Variants in ATP8A2 observed in about 807,000 individuals in gnomAD.
ATP8A2 encodes the protein ATPase phospholipid transporting 8A2.
In ATP8A2, 100 loss-of-function variants were observed where a neutral mutation model predicts 165.6. The ratio of observed to expected loss-of-function variants is 0.60; its 90% CI spans 0.51 to 0.71. ATP8A2 has a LOEUF of 0.71. Ranked by LOEUF, ATP8A2 falls within the 30% of genes least tolerant of loss-of-function variation. The pLI, the probability that ATP8A2 is intolerant of heterozygous loss-of-function variation, is 0.00. For synonymous variants in ATP8A2, 543 were observed against 548.8 expected, an observed-to-expected ratio of 0.99 and a Z score of 0.15; for missense variants, 1,227 against 1,479.5, an observed-to-expected ratio of 0.83 and a Z score of 2.80.
intron 1 of ATP8A2, among the ~76,000 whole-genome samples, chr13:25,396,587 A>G (rs1214268100): frequency 6.6e-6 from 1 of 152,058 alleles, no homozygotes; most frequent in Non-Finnish European, 1.5e-5. Flanking sequence ...AACATGGCCT[A>G]ATTTGCCCTT....
chr13:26,017,184 C>T (rs1956996757), intron 36 of ATP8A2, among the ~76,000 whole-genome samples: 2 of 152,068 alleles, frequency 1.3e-5, no homozygotes, highest in Non-Finnish European at 2.9e-5. Flanking sequence ...TTACTCAGAA[C>T]CACTTCTGTA....
At chr13:25,662,529 A>G (rs1341899884) in intron 24 of ATP8A2, among the ~76,000 whole-genome samples, 2 of 151,890 alleles carry the variant, frequency 1.3e-5, no homozygotes, top group African/African-American at 4.8e-5. Flanking sequence ...TTTTTGGATT[A>G]TTTGGTATAA....
intron 33 of ATP8A2, among the ~76,000 whole-genome samples, chr13:25,951,778 A>G (rs1350218001): frequency 6.6e-6 from 1 of 152,200 alleles, no homozygotes; most frequent in East Asian, 1.9e-4. Context: ...TTCATTGATA[A>G]AACTCCCTTG....
chr13:25,511,380 TG>T (rs1025606520), intron 2 of ATP8A2, among the ~76,000 whole-genome samples: 1 of 152,226 alleles, frequency 6.6e-6, no homozygotes, highest in Non-Finnish European at 1.5e-5. Context: ...CCAGATAAAC[TG>T]GCTGCCCTGT....
In ATP8A2 at chr13:25,715,153, A is replaced by G. The variant is rs534979856; in HGVS notation, c.2384+15808A>G. 3.9e-5 allele frequency among the ~76,000 whole-genome samples: 6 copies of G among 152,290 alleles called. No homozygotes were observed. In the East Asian group the frequency reaches 9.7e-4, roughly 25 times the overall value. On this transcript the variant is annotated intron_variant, in intron 25 of 36. Transcript: ENST00000381655. ...TTAGGTTAGTGTCTATTGAGCAACT[A>G]CTATGTGTATGTGTTGTGTTGGGAG...
intron 24 of ATP8A2, among the ~76,000 whole-genome samples, chr13:25,607,761 CA>C (rs1368049432): frequency 6.6e-6 from 1 of 152,182 alleles, no homozygotes; most frequent in Non-Finnish European, 1.5e-5. Flanking sequence ...TGAGAAGATG[CA>C]GAGTTGTAAA....
chr13:25,587,382 A>G (rs2039952638), intron 23 of ATP8A2, among the ~76,000 whole-genome samples: 1 of 152,198 alleles, frequency 6.6e-6, no homozygotes. Context: ...AGTTTTGTAT[A>G]TTTAAATTCA....
At chr13:25,428,487 A>G (rs868251391) in intron 1 of ATP8A2, among the ~76,000 whole-genome samples, 1 of 152,292 alleles carries the variant, frequency 6.6e-6, no homozygotes, top group Middle Eastern at 3.4e-3. Context: ...TGAACACATG[A>G]ATGGCACTTA....
chr13:25,916,458 G>C (rs934223534), intron 33 of ATP8A2, among the ~76,000 whole-genome samples: 1 of 152,228 alleles, frequency 6.6e-6, no homozygotes, highest in African/African-American at 2.4e-5. Context: ...TCAGCTGCGT[G>C]CATTTTCACA....
At chr13:25,749,817 T>G (rs1282270977) in intron 25 of ATP8A2, among the ~76,000 whole-genome samples, 1 of 152,230 alleles carries the variant, frequency 6.6e-6, no homozygotes, top group Non-Finnish European at 1.5e-5. Flanking sequence ...TGATGATAAC[T>G]GTCACATTGT....
chr13:25,892,002 T>TG (rs1176810050), intron 33 of ATP8A2, among the ~76,000 whole-genome samples: 1 of 151,850 alleles, frequency 6.6e-6, no homozygotes, highest in Non-Finnish European at 1.5e-5. Flanking sequence ...TTTTTTTTTT[T>TG]TGGAGATGGA....
intron 24 of ATP8A2, among the ~76,000 whole-genome samples, chr13:25,628,158 C>T (rs2041150439): frequency 6.6e-6 from 1 of 152,194 alleles, no homozygotes; most frequent in South Asian, 2.1e-4. Context: ...CACCCTCCCT[C>T]TTGCTGACTT....
At chr13:25,881,095 G>T in intron 33 of ATP8A2, 2 of 277,480 alleles carry the variant, frequency 7.2e-6, no homozygotes, top group Non-Finnish European at 7.3e-6. Flanking sequence ...CCTTGACACT[G>T]GTTTTCAAAT....
intron 33 of ATP8A2, among the ~76,000 whole-genome samples, chr13:25,902,146 T>C (rs867765449): frequency 2.6e-5 from 4 of 152,282 alleles, no homozygotes; most frequent in Middle Eastern, 6.8e-3. Context: ...AGGAAAGGAA[T>C]GGAAGATTGC....
rs539158633 is a variant in ATP8A2, at chr13:26,023,750, G to C, written c.*3765G>C. 2.0e-5 allele frequency: 3 copies of C among 152,132 alleles called. No homozygotes were observed. The highest frequency in any genetic ancestry group is 7.2e-5 in the African/African-American group (3 of 41,414). The allele number at this position is 152,132 out of a possible 1,614,324, so 9.4% of individuals were successfully genotyped here. On this transcript the variant is annotated 3_prime_UTR_variant, in exon 37 of 37. Transcript: ENST00000381655. ...GATAAGGTGGTCTTTAGTTTTGAACGTGTGAAAGGACTGCACACTTTTCAG... is the reference window on the plus strand; with the variant it reads ...GATAAGGTGGTCTTTAGTTTTGAACCTGTGAAAGGACTGCACACTTTTCAG...
chr13:25,883,190 T>C (rs1009673892), intron 33 of ATP8A2, among the ~76,000 whole-genome samples: 1 of 152,112 alleles, frequency 6.6e-6, no homozygotes, highest in Non-Finnish European at 1.5e-5. Flanking sequence ...TGTCTCACTC[T>C]CTAGCTCTCC....
chr13:25,453,427 G>A (rs947054054), intron 1 of ATP8A2, among the ~76,000 whole-genome samples: 13 of 152,132 alleles, frequency 8.5e-5, no homozygotes, highest in Non-Finnish European at 1.8e-4. Context: ...AAGATGGTAA[G>A]TGTGAATGCC....
At chr13:25,627,328 G>A (rs1027800071) in intron 24 of ATP8A2, among the ~76,000 whole-genome samples, 2 of 152,140 alleles carry the variant, frequency 1.3e-5, no homozygotes, top group Non-Finnish European at 2.9e-5. Context: ...AACATGGAAG[G>A]AAGCAGGATT....
chr13:25,974,985 C>T (rs113084197), intron 35 of ATP8A2, among the ~76,000 whole-genome samples: 9,928 of 152,180 alleles, frequency 0.065, 1,030 homozygotes, highest in African/African-American at 0.22. Flanking sequence ...CAGTGATTTC[C>T]GCCTCTGCTT....
Sources: allele counts gnomAD v4.1 joint callset (sites outside exome capture counted in the v4.1 genomes callset), GRCh38; gene constraint gnomAD v4.1.1; transcripts MANE v1.5; gene names NCBI Gene and HGNC (gene_info 2026-07-23, HGNC 2026-07-21).